Variants in PTPRS observed in about 807,000 individuals in gnomAD.
PTPRS encodes protein tyrosine phosphatase receptor type S, also known as receptor-type tyrosine-protein phosphatase S.
A neutral mutation model predicts 215.3 loss-of-function variants in PTPRS; 63 were observed. The observed-to-expected ratio is 0.29, with a 90% confidence interval of 0.24 to 0.36. PTPRS has a LOEUF of 0.36. Among genes scored for constraint, PTPRS ranks in the 10% least tolerant of loss-of-function variants. PTPRS has a pLI of 1.00. For synonymous variants in PTPRS, 1,404 were observed against 1,191.4 expected, an observed-to-expected ratio of 1.18 and a Z score of -3.68; for missense variants, 2,258 against 2,825.8, an observed-to-expected ratio of 0.80 and a Z score of 4.56.
chr19:5,235,888 G>C lies in PTPRS; in HGVS notation c.1849+3031C>G, dbSNP rs144192331. 7.9e-5 allele frequency among the ~76,000 whole-genome samples: 12 copies of C among 152,298 alleles called. No individual in the cohort carries two copies. In the East Asian group the frequency reaches 2.3e-3, roughly 29 times the overall value. ...GAATCAGTAAGTCTCTATGTGTTGC[G>C]TGCCTACTATGGCCAGACGCTGTGC... On this transcript the variant is annotated intron_variant, in intron 13 of 37. Transcript: ENST00000262963.
intron 13 of PTPRS, among the ~76,000 whole-genome samples, chr19:5,232,970 A>T (rs1394032434): frequency 6.6e-6 from 1 of 150,912 alleles, no homozygotes; most frequent in African/African-American, 2.4e-5. Flanking sequence ...CGCCATGCCA[A>T]GGGGAGCGGC....
intron 7 of PTPRS, 33 bp downstream of exon 7, chr19:5,260,772 C>CGTGA (rs1568502338): frequency 6.2e-7 from 1 of 1,612,940 alleles, no homozygotes; most frequent in Non-Finnish European, 8.5e-7. Flanking sequence ...CAAGAGCGAG[C>CGTGA]GTGAGTGGGT....
At chr19:5,313,951 ATAATAATAATAAT>A (rs1674631461) in intron 1 of PTPRS, among the ~76,000 whole-genome samples, 2 of 147,710 alleles carry the variant, frequency 1.4e-5, no homozygotes, top group South Asian at 4.2e-4. Flanking sequence ...AATAATAATA[ATAATAATAATAAT>A]AATAATAAAT....
chr19:5,273,603 A>G lies in PTPRS; in HGVS notation c.238-20T>C. 6.2e-7 allele frequency: 1 copy of G among 1,613,986 alleles called. No individual in the cohort carries two copies. Among genetic ancestry groups the G allele is most frequent in the African/African-American group, 1.3e-5 (1 of 75,036 alleles). ...AATCGTCTGCCATGGGCAGGGGAAA[A>G]AAGAACAGAGTGAGGCTGGGGTCCC... is the stretch of plus-strand genomic sequence containing the variant. On this transcript the variant is annotated intron_variant, in intron 3 of 37. Coordinates refer to ENST00000262963, the MANE Select transcript of PTPRS (RefSeq NM_002850.4).
At chr19:5,216,422 C>G (rs899768481) in intron 26 of PTPRS, among the ~76,000 whole-genome samples, 8 of 152,182 alleles carry the variant, frequency 5.3e-5, no homozygotes, top group African/African-American at 1.4e-4. Flanking sequence ...TGGGTGCCCC[C>G]CAAGAGCTCA....
intron 25 of PTPRS, among the ~76,000 whole-genome samples, chr19:5,216,986 C>T (rs1028080686): frequency 1.9e-4 from 29 of 152,198 alleles, no homozygotes; most frequent in Admixed American, 1.8e-3. Context: ...GGTCTTGACC[C>T]GTCACTCTGG....
In PTPRS at chr19:5,257,571, G is replaced by A. The variant is rs1011673495; in HGVS notation, c.706+446C>T. The A allele has an allele frequency of 7.1e-5, 30 of 424,792 alleles. No individual in the cohort carries two copies. Among genetic ancestry groups the A allele is most frequent in the South Asian group, 1.2e-4 (7 of 60,202 alleles). 26.3% of individuals were successfully genotyped at this position (424,792 alleles called of 1,614,324 possible). ...GGGGGGCAGTGAAGCGGGGAGCTAC[G>A]AGGCCACAAAGTTGGGAGAAGCAAA... On this transcript the variant is annotated intron_variant, in intron 8 of 37. Transcript: ENST00000262963. The surrounding 1 kb of genome is among the most constrained non-coding windows in gnomAD (Gnocchi z 4.4).
intron 1 of PTPRS, among the ~76,000 whole-genome samples, chr19:5,298,604 C>T (rs559457037): frequency 1.4e-4 from 22 of 152,298 alleles, no homozygotes; most frequent in African/African-American, 4.8e-4. Context: ...GGGGCATGGG[C>T]GGGTGCCAAC....
intron 1 of PTPRS, among the ~76,000 whole-genome samples, chr19:5,316,214 A>G (rs1458656784): frequency 6.6e-6 from 1 of 151,470 alleles, no homozygotes; most frequent in Non-Finnish European, 1.5e-5. Context: ...ACTGTGAGAA[A>G]GGGCTTTTTA....
rs1285057720 is a variant in PTPRS at position 5,214,577 on chromosome 19, A to C, written c.4478T>G (p.Leu1493Arg). ...AAGGCTCACCCGTGACTTCTCCTCCAGCCGCGTCATCATGACGATGGTCGC... is the reference window on the plus strand; with the variant it reads ...AAGGCTCACCCGTGACTTCTCCTCCCGCCGCGTCATCATGACGATGGTCGC... Reference protein sequence around the residue: ...RSATIVMMTRLEEKSRIKCDQ... With the variant: ...RSATIVMMTRREEKSRIKCDQ... The change falls in exon 29 of 38, where the codon CTG (leucine) becomes CGG (arginine). Residue 1493 changes from leucine to arginine, a missense_variant. Transcript: ENST00000262963. 1 of 1,611,482 alleles carries C rather than the reference A, an allele frequency of 6.2e-7. No individual in the cohort carries two copies. The highest frequency in any genetic ancestry group is 8.5e-7 in the Non-Finnish European group (1 of 1,178,528).
At chr19:5,335,247 C>T (rs993342479) in intron 1 of PTPRS, among the ~76,000 whole-genome samples, 7 of 152,206 alleles carry the variant, frequency 4.6e-5, no homozygotes, top group Admixed American at 2.6e-4. Context: ...TGACTGCGGA[C>T]GCGTTGAGAG....
Position 5,223,097 on chromosome 19 carries a change from C to A in PTPRS, c.2695G>T (p.Ala899Ser), listed in dbSNP as rs370681168. 35 of 1,563,496 alleles carry A rather than the reference C, an allele frequency of 2.2e-5. No homozygotes were observed. In the African/African-American group the frequency reaches 4.5e-4, roughly 20 times the overall value. ...RYTASGVHKG[A>S]TYVFRLAARS... ...GCCGCAAGCCGGAACACATACGTGG[C>A]CCCCTTGTGCACGCCTGATGCCGTG... Residue 899 changes from alanine (A) to serine (S), a missense_variant, in exon 18 of 38, where the codon GCC becomes TCC. Physicochemically the swap from Ala to Ser is moderately conservative, Grantham distance 99. Transcript: ENST00000262963.
rs1427468626 is a variant in PTPRS, at chr19:5,274,318, T to C, written c.118A>G (p.Lys40Glu). 6.3e-7 allele frequency: 1 copy of C among 1,594,126 alleles called. No homozygotes were observed. Among genetic ancestry groups the C allele is most frequent in the East Asian group, 2.3e-5 (1 of 42,786 alleles). ...EEPPRFIKEPKDQIGVSGGVA... is the reference protein window; with the variant it reads ...EEPPRFIKEPEDQIGVSGGVA... ...CCCCCCGACACGCCGATCTGGTCCTTGGGTTCTTTGATAAACCTGGGGGGC... is the reference window on the plus strand; with the variant it reads ...CCCCCCGACACGCCGATCTGGTCCTCGGGTTCTTTGATAAACCTGGGGGGC... The change falls in exon 3 of 38, where the codon AAG (lysine) becomes GAG (glutamate). Residue 40 changes from lysine (K) to glutamate (E), a missense_variant. Around this residue, in one of 6 missense-constraint regions of PTPRS, gnomAD observed 508 missense variants for 799.4 expected, o/e 0.64. Coordinates refer to ENST00000262963, the MANE Select transcript of PTPRS (RefSeq NM_002850.4).
chr19:5,301,675 T>G (rs1470424851), intron 1 of PTPRS, among the ~76,000 whole-genome samples: 2 of 151,952 alleles, frequency 1.3e-5, no homozygotes, highest in Non-Finnish European at 2.9e-5. Flanking sequence ...TGGTCTCTCC[T>G]TCAAGCGCAT....
intron 4 of PTPRS, among the ~76,000 whole-genome samples, chr19:5,272,799 C>T (rs191461623): frequency 1.2e-3 from 177 of 152,086 alleles, no homozygotes; most frequent in Non-Finnish European, 2.2e-3. Context: ...GTGTGATCCT[C>T]CCACCTCAGC....
intron 18 of PTPRS, 142 bp from the exon 19 acceptor site, chr19:5,222,362 C>A: frequency 1.4e-6 from 1 of 733,576 alleles, no homozygotes; most frequent in South Asian, 1.7e-5. Flanking sequence ...GGCCTTCCTG[C>A]CTGGCCCTGG....
At chr19:5,227,601 G>C (rs1382998824) in intron 16 of PTPRS, among the ~76,000 whole-genome samples, 1 of 151,486 alleles carries the variant, frequency 6.6e-6, no homozygotes, top group African/African-American at 2.4e-5. Context: ...GTAGAGACAG[G>C]GTTTCACCAT....
intron 30 of PTPRS, among the ~76,000 whole-genome samples, chr19:5,212,973 T>C (rs1274767569): frequency 1.3e-5 from 2 of 152,048 alleles, no homozygotes; most frequent in Non-Finnish European, 2.9e-5. Context: ...TGGCCAACTG[T>C]ATCTGGCCTT....
intron 17 of PTPRS, among the ~76,000 whole-genome samples, chr19:5,225,029 T>C (rs1486277655): frequency 1.3e-5 from 2 of 152,104 alleles, no homozygotes; most frequent in African/African-American, 2.4e-5. Context: ...CAAGTCTTTT[T>C]CTGGGCTGTG....
Sources: allele counts gnomAD v4.1 joint callset (sites outside exome capture counted in the v4.1 genomes callset), GRCh38; gene constraint gnomAD v4.1.1; regional missense constraint gnomAD v4.1.1; non-coding constraint Gnocchi (gnomAD v3.1); transcripts MANE v1.5; gene names NCBI Gene and HGNC (gene_info 2026-07-23, HGNC 2026-07-21).